The following PTPRO variants were observed in gnomAD, a reference collection of about 807,000 sequenced individuals.
PTPRO encodes the protein protein tyrosine phosphatase receptor type O, also known as receptor-type tyrosine-protein phosphatase O.
In PTPRO, 62 loss-of-function variants were observed where a neutral mutation model predicts 145.2. The observed-to-expected ratio is 0.43, with a 90% CI of 0.35 to 0.53. PTPRO has a LOEUF of 0.53. PTPRO is among the 20% of genes least tolerant of loss of function. The pLI, the probability that PTPRO is intolerant of heterozygous loss-of-function variation, is 0.01. For missense variants in PTPRO, 1,345 were observed against 1,482.7 expected (o/e 0.91, Z 1.53); for synonymous variants, 565 against 514.7 (o/e 1.10, Z -1.32).
intron 25 of PTPRO, among the ~76,000 whole-genome samples, chr12:15,591,573 GT>G (rs899426918): frequency 6.6e-6 from 1 of 152,046 alleles, no homozygotes; most frequent in Non-Finnish European, 1.5e-5. Context: ...CTCCCTAAAT[GT>G]TTTACCCTAA....
intron 1 of PTPRO, among the ~76,000 whole-genome samples, chr12:15,429,808 G>A (rs1443902496): frequency 6.6e-6 from 1 of 152,120 alleles, no homozygotes; most frequent in Non-Finnish European, 1.5e-5. Context: ...TTCAGGCAAG[G>A]TGGGAGAGAG....
At chr12:15,427,925 G>GA (rs1182772246) in intron 1 of PTPRO, among the ~76,000 whole-genome samples, 1 of 152,078 alleles carries the variant, frequency 6.6e-6, no homozygotes, top group Non-Finnish European at 1.5e-5. Flanking sequence ...AATATCTGGT[G>GA]AAACTTGATT....
At chr12:15,400,548 A>G (rs1291109627) in intron 1 of PTPRO, among the ~76,000 whole-genome samples, 1 of 152,120 alleles carries the variant, frequency 6.6e-6, no homozygotes, top group African/African-American at 2.4e-5. Context: ...CTACTCCACA[A>G]AAGCTACTCT....
chr12:15,483,096 T>C (rs990172645), intron 1 of PTPRO, among the ~76,000 whole-genome samples: 8 of 152,062 alleles, frequency 5.3e-5, no homozygotes, highest in African/African-American at 1.4e-4. Context: ...GAAAAGAAAT[T>C]TGAGGCTCAG....
chr12:15,383,819 T>C (rs1488011761), intron 1 of PTPRO, among the ~76,000 whole-genome samples: 3 of 152,178 alleles, frequency 2.0e-5, no homozygotes, highest in African/African-American at 7.2e-5. Context: ...GGTGTCAGAC[T>C]CTCTGGAAAA....
At chr12:15,454,875 T>C (rs1255818068) in intron 1 of PTPRO, among the ~76,000 whole-genome samples, 1 of 152,140 alleles carries the variant, frequency 6.6e-6, no homozygotes, top group Non-Finnish European at 1.5e-5. Flanking sequence ...CATCCACATC[T>C]AGGATCAATA....
intron 1 of PTPRO, among the ~76,000 whole-genome samples, chr12:15,468,330 G>A (rs149987423): frequency 2.0e-5 from 3 of 152,176 alleles, no homozygotes; most frequent in African/African-American, 4.8e-5. Flanking sequence ...TAACCCATAA[G>A]TGTCTTCCCA....
intron 1 of PTPRO, among the ~76,000 whole-genome samples, chr12:15,381,886 T>C (rs180677257): frequency 1.8e-4 from 27 of 152,260 alleles, no homozygotes; most frequent in African/African-American, 6.3e-4. Context: ...TTTCTAAATT[T>C]AAGCAATTTT....
chr12:15,471,415 A>G (rs1941539091), intron 1 of PTPRO, among the ~76,000 whole-genome samples: 1 of 152,286 alleles, frequency 6.6e-6, no homozygotes, highest in Admixed American at 6.5e-5. Context: ...ACCAAATCCC[A>G]CAGGAGTAGA....
At chr12:15,323,870 C>T (rs1866371132) in intron 1 of PTPRO, among the ~76,000 whole-genome samples, 1 of 152,038 alleles carries the variant, frequency 6.6e-6, no homozygotes, top group Non-Finnish European at 1.5e-5. Context: ...TATAATGGAA[C>T]AGGACCAATG....
chr12:15,457,601 A>G (rs1240537521), intron 1 of PTPRO, among the ~76,000 whole-genome samples: 1 of 151,946 alleles, frequency 6.6e-6, no homozygotes, highest in Admixed American at 6.5e-5. Flanking sequence ...AATTTTTTAT[A>G]TTGATATTTT....
Position 15,417,079 on chromosome 12 carries a change from AAAC to A in PTPRO, c.76-66891_76-66889del, listed in dbSNP as rs913017378. Among the ~76,000 whole-genome samples, 35 of 151,744 alleles carry A rather than the reference AAAC, an allele frequency of 2.3e-4. 1 individual carries two copies. The South Asian group carries it at 3.5e-3, about 15-fold the overall frequency. Reference sequence around the variant, plus strand: ...CCTCCCATGATTCGTGGAACTATCTAAACAACTTCCTAGGAATGATCCTCTCCT... The same window carrying A: ...CCTCCCATGATTCGTGGAACTATCTAAACTTCCTAGGAATGATCCTCTCCT... On this transcript the variant is annotated intron_variant, in intron 1 of 26. Coordinates refer to ENST00000281171, the MANE Select transcript of PTPRO (RefSeq NM_030667.3).
intron 24 of PTPRO, among the ~76,000 whole-genome samples, chr12:15,587,575 G>C (rs138975857): frequency 3.9e-5 from 6 of 152,234 alleles, no homozygotes; most frequent in Non-Finnish European, 8.8e-5. Context: ...ATTCCTCTTC[G>C]GGATTGTCTC....
At chr12:15,437,523 T>C (rs1308352703) in intron 1 of PTPRO, among the ~76,000 whole-genome samples, 1 of 152,118 alleles carries the variant, frequency 6.6e-6, no homozygotes, top group African/African-American at 2.4e-5. Context: ...TGCCCCACCA[T>C]TTATGGACAT....
At chr12:15,392,452 G>T (rs1488880655) in intron 1 of PTPRO, among the ~76,000 whole-genome samples, 1 of 151,134 alleles carries the variant, frequency 6.6e-6, no homozygotes. Context: ...CAGGCATGGT[G>T]GCTCATCCCT....
intron 1 of PTPRO, among the ~76,000 whole-genome samples, chr12:15,341,485 T>G (rs1866982503): frequency 6.6e-6 from 1 of 151,666 alleles, no homozygotes. Flanking sequence ...CCATTTCTTG[T>G]CTTATCTGTC....
At chr12:15,428,940 G>A (rs954482609) in intron 1 of PTPRO, among the ~76,000 whole-genome samples, 1 of 152,106 alleles carries the variant, frequency 6.6e-6, no homozygotes, top group African/African-American at 2.4e-5. Flanking sequence ...CTTTCTTCCT[G>A]CATCCCAGTG....
At chr12:15,328,660 G>A (rs1866519439) in intron 1 of PTPRO, among the ~76,000 whole-genome samples, 1 of 151,690 alleles carries the variant, frequency 6.6e-6, no homozygotes, top group African/African-American at 2.4e-5. Context: ...TGAATATAGG[G>A]GAAATTAGAG....
At position 15,439,088 on chromosome 12, in the gene PTPRO, A is replaced by T. The variant is rs1320810258; in HGVS notation, c.76-44886A>T. On this transcript the variant is annotated intron_variant, in intron 1 of 26. Transcript: ENST00000281171. ...GCTAATAGAGGACTTATCACCAGAA[A>T]CCTTACAAGCCAGGAGAGACTGGGG... 2.0e-5 allele frequency among the ~76,000 whole-genome samples: 3 copies of T among 152,172 alleles called. No homozygotes were observed. In the East Asian group the frequency reaches 5.8e-4, roughly 29 times the overall value.
Sources: allele counts gnomAD v4.1 joint callset (sites outside exome capture counted in the v4.1 genomes callset), GRCh38; gene constraint gnomAD v4.1.1; transcripts MANE v1.5; gene names NCBI Gene and HGNC (gene_info 2026-07-23, HGNC 2026-07-21).